FKBP5: variants seen among roughly 807,000 people sequenced by gnomAD.
FKBP5 encodes the protein FKBP prolyl isomerase 5.
FKBP5 carries 23 observed loss-of-function variants against 50.5 expected under a neutral mutation model. The ratio of observed to expected loss-of-function variants is 0.46; its 90% confidence interval spans 0.33 to 0.65. The LOEUF is 0.65. Among genes scored for constraint, FKBP5 ranks in the 30% least tolerant of loss-of-function variants. FKBP5 has a pLI of 0.02. For synonymous variants in FKBP5, 176 were observed against 190.6 expected, an observed-to-expected ratio of 0.92 and a Z score of 0.63; for missense variants, 411 against 553.1, an observed-to-expected ratio of 0.74 and a Z score of 2.58.
At chr6:35,616,820 T>C (rs751402785) in intron 5 of FKBP5, among the ~76,000 whole-genome samples, 6 of 152,190 alleles carry the variant, frequency 3.9e-5, no homozygotes, top group Non-Finnish European at 7.3e-5. Context: ...CCTTTGTACA[T>C]ACATTTGAAA....
chr6:35,655,423 C>T (rs1420399337), intron 1 of FKBP5, among the ~76,000 whole-genome samples: 1 of 152,148 alleles, frequency 6.6e-6, no homozygotes, highest in Non-Finnish European at 1.5e-5. Context: ...ACCTGTGCCA[C>T]AGTGGTAGAG....
At chr6:35,585,478 C>T in intron 8 of FKBP5, 1 of 985,252 alleles carries the variant, frequency 1.0e-6, no homozygotes, top group Non-Finnish European at 1.2e-6. Flanking sequence ...ACATCTAACT[C>T]CCCTATTTTT....
intron 6 of FKBP5, among the ~76,000 whole-genome samples, chr6:35,594,738 T>C (rs1420548594): frequency 1.3e-5 from 2 of 151,974 alleles, no homozygotes; most frequent in Non-Finnish European, 1.5e-5. Flanking sequence ...GCAATGCATA[T>C]GCAGCAGTCT....
intron 9 of FKBP5, among the ~76,000 whole-genome samples, 171 bp downstream of exon 9, chr6:35,579,865 T>C (rs550813738): frequency 2.6e-5 from 4 of 152,212 alleles, no homozygotes; most frequent in Non-Finnish European, 5.9e-5. Flanking sequence ...AATAAAAATC[T>C]TGCTGAATTT....
At chr6:35,610,383 G>A (rs550834752) in intron 5 of FKBP5, among the ~76,000 whole-genome samples, 16 of 151,730 alleles carry the variant, frequency 1.1e-4, no homozygotes, top group Admixed American at 7.2e-4. Context: ...TGGCTAACAC[G>A]GTGAAACCCC....
intron 8 of FKBP5, chr6:35,583,303 A>C: frequency 1.0e-6 from 1 of 985,416 alleles, no homozygotes; most frequent in Non-Finnish European, 1.2e-6. Flanking sequence ...TAGGGAAAGA[A>C]AAGAAGAGCC....
chr6:35,663,282 A>C (rs934691712), intron 1 of FKBP5, among the ~76,000 whole-genome samples: 2 of 152,208 alleles, frequency 1.3e-5, no homozygotes, highest in African/African-American at 4.8e-5. Context: ...ATGTGATCCC[A>C]CTTGGCTAAA....
chr6:35,607,253 CAG>C (rs1356495112), intron 5 of FKBP5, among the ~76,000 whole-genome samples: 1 of 151,892 alleles, frequency 6.6e-6, no homozygotes. Context: ...TGTTTTGAGA[CAG>C]GGTCTCGCTT....
chr6:35,585,257 C>T (rs1380272072), intron 8 of FKBP5: 4 of 980,400 alleles, frequency 4.1e-6, no homozygotes, highest in South Asian at 4.7e-5. Flanking sequence ...TAAGGACTCA[C>T]GATCTTAAGA....
At chr6:35,723,247 T>C (rs1369632353) in intron 1 of FKBP5, among the ~76,000 whole-genome samples, 2 of 151,346 alleles carry the variant, frequency 1.3e-5, no homozygotes, top group African/African-American at 4.9e-5. Context: ...AATAAATAAA[T>C]AAAATAAAAT....
chr6:35,615,238 A>G (rs552781870), intron 5 of FKBP5, among the ~76,000 whole-genome samples: 2 of 152,196 alleles, frequency 1.3e-5, no homozygotes, highest in South Asian at 4.1e-4. Flanking sequence ...GTTGAGGTCC[A>G]TATATTCTCT....
chr6:35,597,530 C>T, intron 5 of FKBP5, 126 bp from the exon 6 acceptor site: 2 of 1,129,382 alleles, frequency 1.8e-6, no homozygotes, highest in Non-Finnish European at 2.4e-6. Flanking sequence ...CATCAAGAGA[C>T]ACACACAGTG....
chr6:35,697,104 G>A (rs1157220444), intron 2 of FKBP5, among the ~76,000 whole-genome samples: 1 of 152,150 alleles, frequency 6.6e-6, no homozygotes, highest in Non-Finnish European at 1.5e-5. Flanking sequence ...AGAATTAAAA[G>A]CAGGAACTCA....
chr6:35,627,928 AT>A (rs35468991), intron 3 of FKBP5, among the ~76,000 whole-genome samples: 20 of 108,446 alleles, frequency 1.8e-4, no homozygotes, highest in South Asian at 6.3e-4. Context: ...TGCCCAGCTA[AT>A]TTTTTTTTTT....
intron 1 of FKBP5, among the ~76,000 whole-genome samples, chr6:35,671,189 G>A (rs549388397): frequency 5.3e-4 from 80 of 151,898 alleles, no homozygotes; most frequent in Non-Finnish European, 1.1e-3. Flanking sequence ...GCTTGAGCCA[G>A]GGAGGTAGAA....
upstream of FKBP5, among the ~76,000 whole-genome samples, chr6:35,691,494 A>G (rs561235124): frequency 3.9e-5 from 6 of 152,150 alleles, no homozygotes; most frequent in Non-Finnish European, 8.8e-5. Context: ...CAGGAGGAAG[A>G]CAGAAAGGCA....
At chr6:35,650,755 C>T (rs376993406) in intron 1 of FKBP5, among the ~76,000 whole-genome samples, 1 of 152,142 alleles carries the variant, frequency 6.6e-6, no homozygotes, top group East Asian at 1.9e-4. Context: ...GGATCACAGA[C>T]ATGAGCCACC....
At chr6:35,642,662 G>A in intron 2 of FKBP5, 58 bp downstream of exon 2, 2 of 1,335,508 alleles carry the variant, frequency 1.5e-6, no homozygotes, top group East Asian at 2.3e-5. Context: ...AGAAAGAGAT[G>A]CTATAATCTT....
chr6:35,598,002 A>G (rs1472014039), intron 5 of FKBP5, among the ~76,000 whole-genome samples: 1 of 152,256 alleles, frequency 6.6e-6, no homozygotes, highest in African/African-American at 2.4e-5. Context: ...TAATAAATGT[A>G]AAGTGTGAAA....
Sources: gnomAD v4.1 joint callset for allele counts (sites outside exome capture counted in the v4.1 genomes callset) on GRCh38, gnomAD v4.1.1 for gene constraint, MANE v1.5 for transcripts, NCBI Gene and HGNC (gene_info 2026-07-23, HGNC 2026-07-21) for gene names.